The following RXRA variants were observed in gnomAD, a reference collection of about 807,000 sequenced individuals.
RXRA encodes the protein retinoid X receptor alpha.
In RXRA, 5 loss-of-function variants were observed where a neutral mutation model predicts 44.5. The observed-to-expected ratio is 0.11, with a 90% CI of 0.06 to 0.24. The LOEUF is 0.24. Among genes scored for constraint, RXRA ranks in the 10% least tolerant of loss-of-function variants. The pLI is 1.00. For missense variants in RXRA, 412 were observed against 646.5 expected (o/e 0.64, Z 3.93); for synonymous variants, 291 against 271.4 (o/e 1.07, Z -0.71).
At chr9:134,405,707 C>T (rs900449184) in intron 2 of RXRA, 1 of 152,456 alleles carries the variant, frequency 6.6e-6, no homozygotes, top group Non-Finnish European at 1.5e-5. Flanking sequence ...CCTGGACCTG[C>T]AGAGTCATGG....
intron 1 of RXRA, among the ~76,000 whole-genome samples, chr9:134,330,463 C>G (rs2119006779): frequency 6.6e-6 from 1 of 152,296 alleles, no homozygotes; most frequent in African/African-American, 2.4e-5. Flanking sequence ...GGGTCACCTT[C>G]CAGACCTTTG....
intron 1 of RXRA, among the ~76,000 whole-genome samples, chr9:134,390,052 G>A (rs1830777213): frequency 6.6e-6 from 1 of 152,216 alleles, no homozygotes; most frequent in Admixed American, 6.5e-5. Flanking sequence ...TCAGAGCCTT[G>A]ATGAGGATGG....
At chr9:134,334,916 G>C (rs1397850823) in intron 1 of RXRA, among the ~76,000 whole-genome samples, 1 of 152,226 alleles carries the variant, frequency 6.6e-6, no homozygotes, top group Non-Finnish European at 1.5e-5. Flanking sequence ...AAGCGCTTTC[G>C]GGATGTGCAG....
chr9:134,407,513 C>T lies in RXRA; in HGVS notation c.280-636C>T, dbSNP rs114041263. Among the ~76,000 whole-genome samples the T allele has an allele frequency of 0.012, 1,790 of 152,288 alleles. 39 individuals carry two copies. Among genetic ancestry groups the T allele is most frequent in the African/African-American group, 0.04 (1,683 of 41,556 alleles). On this transcript the variant is annotated intron_variant, in intron 2 of 9. Transcript: ENST00000481739. This position sits in a 1 kb window ranked among gnomAD's most constrained non-coding sequence, Gnocchi z 4.8. The stretch of plus-strand genomic sequence containing the variant: ...ACCGGGTGAGTTTCCCACGCTTGCC[C>T]GGGCGGCAGCGTGCGGGCCGGCGGG...
chr9:134,379,472 C>A (rs35196866), intron 1 of RXRA: 725,513 of 986,504 alleles, frequency 0.74, 270,026 homozygotes, highest in Non-Finnish European at 0.76. Flanking sequence ...TGGAGGAGGG[C>A]CCCCAGGACC....
chr9:134,424,475 G>C, intron 6 of RXRA: 1 of 985,424 alleles, frequency 1.0e-6, no homozygotes, highest in Non-Finnish European at 1.2e-6. Context: ...TTCTGGCTTC[G>C]AGGGCCGCAT....
At chr9:134,386,312 G>A (rs1266605253) in intron 1 of RXRA, among the ~76,000 whole-genome samples, 1 of 152,238 alleles carries the variant, frequency 6.6e-6, no homozygotes, top group African/African-American at 2.4e-5. Flanking sequence ...GCCTGCCCTC[G>A]CCATGAGGCT....
chr9:134,421,649 T>C (rs1331446049), intron 5 of RXRA, 27 bp from the exon 6 acceptor site: 4 of 1,548,868 alleles, frequency 2.6e-6, no homozygotes, highest in Middle Eastern at 1.7e-4. Flanking sequence ...TGGGACTGAA[T>C]GTCCTGCTCT....
chr9:134,398,549 G>C (rs1229019950), intron 1 of RXRA, among the ~76,000 whole-genome samples: 1 of 152,158 alleles, frequency 6.6e-6, no homozygotes, highest in Non-Finnish European at 1.5e-5. Flanking sequence ...TGTGTAAACA[G>C]GAAGGGCTGG....
chr9:134,424,316 C>T (rs968585116), intron 6 of RXRA: 278 of 985,240 alleles, frequency 2.8e-4, no homozygotes, highest in Admixed American at 8.6e-4. Flanking sequence ...GGCATCTCTG[C>T]GAGGGTGGCC....
intron 4 of RXRA, among the ~76,000 whole-genome samples, chr9:134,413,861 G>A (rs1476302332): frequency 6.6e-6 from 1 of 152,188 alleles, no homozygotes; most frequent in Non-Finnish European, 1.5e-5. Context: ...CGCCTGGGCA[G>A]GAGTCTCAGG....
chr9:134,390,548 A>G (rs1240297586), intron 1 of RXRA, among the ~76,000 whole-genome samples: 1 of 152,108 alleles, frequency 6.6e-6, no homozygotes, highest in Non-Finnish European at 1.5e-5. Flanking sequence ...AGTGGTGATG[A>G]GCCTGACCCG....
chr9:134,388,387 G>C (rs747725383), intron 1 of RXRA, among the ~76,000 whole-genome samples: 17 of 152,128 alleles, frequency 1.1e-4, no homozygotes, highest in Non-Finnish European at 2.1e-4. Flanking sequence ...CTCCTGAAGC[G>C]CACTTACTGT....
chr9:134,388,992 G>A (rs1385533868), intron 1 of RXRA, among the ~76,000 whole-genome samples: 3 of 151,936 alleles, frequency 2.0e-5, no homozygotes, highest in Non-Finnish European at 4.4e-5. Context: ...GCTGAGACCC[G>A]GTGACCTGCC....
chr9:134,418,520 C>T (rs1246213557), intron 5 of RXRA, among the ~76,000 whole-genome samples: 1 of 152,170 alleles, frequency 6.6e-6, no homozygotes, highest in African/African-American at 2.4e-5. Context: ...GCTGGGTGCG[C>T]CCTGCAGGTC....
chr9:134,332,794 A>G (rs1223106648), intron 1 of RXRA, among the ~76,000 whole-genome samples: 4 of 152,100 alleles, frequency 2.6e-5, no homozygotes, highest in Non-Finnish European at 5.9e-5. Flanking sequence ...GGAAGGAGGA[A>G]GTGACTCTCT....
rs1830098978 is a variant in RXRA at position 134,342,575 on chromosome 9, AG to A, written c.28+15917del. 6.6e-6 allele frequency among the ~76,000 whole-genome samples: 1 copy of A among 152,158 alleles called. No homozygotes were observed. Among genetic ancestry groups the A allele is most frequent in the African/African-American group, 2.4e-5 (1 of 41,430 alleles). ...GGGTTGGTGCAGGCAGAGTGGTAAC[AG>A]CAAGCTGTGGGCAAGGGACTGCTTG... On this transcript the variant is annotated intron_variant, in intron 1 of 9. Coordinates refer to ENST00000481739, the MANE Select transcript of RXRA (RefSeq NM_002957.6). The surrounding 1 kb of genome is among the most constrained non-coding windows in gnomAD (Gnocchi z 4.4).
At chr9:134,356,660 CG>C (rs1830287222) in intron 1 of RXRA, among the ~76,000 whole-genome samples, 1 of 152,224 alleles carries the variant, frequency 6.6e-6, no homozygotes, top group South Asian at 2.1e-4. Flanking sequence ...CTGCGGTGGC[CG>C]TCCTGCTCAG....
At chr9:134,421,086 G>A (rs924220421) in intron 5 of RXRA, among the ~76,000 whole-genome samples, 1 of 152,210 alleles carries the variant, frequency 6.6e-6, no homozygotes, top group African/African-American at 2.4e-5. Flanking sequence ...ATCCAGTTTC[G>A]TCAGCTCGCC....
Sources: allele counts gnomAD v4.1 joint callset (sites outside exome capture counted in the v4.1 genomes callset), GRCh38; gene constraint gnomAD v4.1.1; non-coding constraint Gnocchi (gnomAD v3.1); transcripts MANE v1.5; gene names NCBI Gene and HGNC (gene_info 2026-07-23, HGNC 2026-07-21).